The following CBFB variants were observed in gnomAD, a reference collection of about 807,000 sequenced individuals.
CBFB encodes CBF-beta.
A neutral mutation model predicts 30.4 loss-of-function variants in CBFB; 9 were observed. The observed-to-expected ratio is 0.30, with a 90% CI of 0.18 to 0.52. The LOEUF (loss-of-function observed/expected upper bound fraction) is 0.52. CBFB is among the 20% of genes least tolerant of loss of function. The probability of loss-of-function intolerance (pLI) is 0.97; values close to 1 mark genes in which losing one functional copy is unlikely to be tolerated. For synonymous variants in CBFB, 94 were observed against 84.0 expected, an observed-to-expected ratio of 1.12 and a Z score of -0.65; for missense variants, 170 against 244.0, an observed-to-expected ratio of 0.70 and a Z score of 2.02.
intron 4 of CBFB, chr16:67,082,008 GC>G: frequency 3.9e-6 from 1 of 259,070 alleles, no homozygotes; most frequent in Non-Finnish European, 7.5e-6. Flanking sequence ...TAGTAGAGAT[GC>G]GGTTTCACCA....
intron 5 of CBFB, among the ~76,000 whole-genome samples, chr16:67,098,463 G>C (rs1233677261): frequency 6.6e-6 from 1 of 151,958 alleles, no homozygotes; most frequent in Non-Finnish European, 1.5e-5. Flanking sequence ...TTCTTATGTA[G>C]TACATATTTA....
intron 3 of CBFB, among the ~76,000 whole-genome samples, chr16:67,061,487 A>C (rs1455407485): frequency 6.6e-6 from 1 of 152,194 alleles, no homozygotes; most frequent in Non-Finnish European, 1.5e-5. Flanking sequence ...TTTTTGACAG[A>C]AGCATTTCAC....
chr16:67,033,151 A>G (rs1351139077), intron 2 of CBFB, among the ~76,000 whole-genome samples: 9 of 152,168 alleles, frequency 5.9e-5, no homozygotes, highest in Admixed American at 3.9e-4. Context: ...CTGGGATTAC[A>G]GGCGTGAGCC....
At chr16:67,093,078 T>G (rs1452198487) in intron 5 of CBFB, among the ~76,000 whole-genome samples, 1 of 152,120 alleles carries the variant, frequency 6.6e-6, no homozygotes, top group Non-Finnish European at 1.5e-5. Flanking sequence ...TCCAAGCAGC[T>G]GGGATTCCAG....
chr16:67,066,173 A>G (rs976952106), intron 3 of CBFB, among the ~76,000 whole-genome samples: 1 of 152,086 alleles, frequency 6.6e-6, no homozygotes, highest in Admixed American at 6.6e-5. Context: ...CCAGGAACCC[A>G]CGTTGAGGGA....
intron 2 of CBFB, among the ~76,000 whole-genome samples, chr16:67,035,456 A>G (rs1283402671): frequency 6.6e-6 from 1 of 152,212 alleles, no homozygotes; most frequent in African/African-American, 2.4e-5. Context: ...CATTTACCAC[A>G]TGAAAATGGT....
At chr16:67,065,318 A>C (rs931429656) in intron 3 of CBFB, among the ~76,000 whole-genome samples, 4 of 152,246 alleles carry the variant, frequency 2.6e-5, no homozygotes, top group Admixed American at 2.0e-4. Flanking sequence ...CAGTGCATAA[A>C]GTATAGTGAA....
At chr16:67,090,367 A>T (rs987583989) in intron 5 of CBFB, among the ~76,000 whole-genome samples, 2 of 152,228 alleles carry the variant, frequency 1.3e-5, no homozygotes, top group African/African-American at 4.8e-5. Context: ...CTGTTGCTAT[A>T]TAGAAGCATC....
chr16:67,050,668 C>T (rs1367152081), intron 3 of CBFB, among the ~76,000 whole-genome samples: 1 of 152,022 alleles, frequency 6.6e-6, no homozygotes, highest in African/African-American at 2.4e-5. Context: ...TGGCATGCAC[C>T]TGTAGTCCTA....
chr16:67,091,478 C>T (rs1390692448), intron 5 of CBFB, among the ~76,000 whole-genome samples: 1 of 152,048 alleles, frequency 6.6e-6, no homozygotes, highest in Non-Finnish European at 1.5e-5. Context: ...TTTGAGGAAC[C>T]GAGGCTAAGA....
At position 67,036,764 on chromosome 16, in the gene CBFB, C is replaced by T. The variant is rs753037893; in HGVS notation, c.282+9C>T. ...AAAGAGAAGCAGGCAAGGTAGGAAA[C>T]ATTTCTTTGCAATTTAAAATACTGT... On this transcript the variant is annotated intron_variant, in intron 3 of 5. Transcript: ENST00000412916. The T allele has an allele frequency of 6.1e-6, 9 of 1,464,420 alleles. No individual in the cohort carries two copies. The South Asian group carries it at 6.8e-5, about 11-fold the overall frequency. The allele number at this position is 1,464,420 out of a possible 1,614,324, so 90.7% of individuals were successfully genotyped here. A position where few individuals can be genotyped will look rare whatever the true frequency, so the allele number is the denominator to read the frequency against.
intron 3 of CBFB, among the ~76,000 whole-genome samples, chr16:67,037,726 G>GGTGTGATCTT (rs1793841006): frequency 1.4e-5 from 2 of 147,752 alleles, no homozygotes; most frequent in Admixed American, 1.4e-4. Context: ...GGAGTGCAGT[G>GGTGTGATCTT]GTGTGATCTT....
intron 5 of CBFB, among the ~76,000 whole-genome samples, chr16:67,082,591 CTCTT>C (rs779358220): frequency 1.4e-4 from 22 of 151,996 alleles, no homozygotes; most frequent in Non-Finnish European, 2.6e-4. Flanking sequence ...AAAATCTCAC[CTCTT>C]TTTTTCTTAT....
chr16:67,038,440 G>T (rs1966479446), intron 3 of CBFB, among the ~76,000 whole-genome samples: 1 of 151,784 alleles, frequency 6.6e-6, no homozygotes, highest in Non-Finnish European at 1.5e-5. Flanking sequence ...TGTAGAATTA[G>T]ATTTGATCTT....
At chr16:67,037,916 G>T (rs948113453) in intron 3 of CBFB, among the ~76,000 whole-genome samples, 2 of 151,946 alleles carry the variant, frequency 1.3e-5, no homozygotes, top group African/African-American at 2.4e-5. Flanking sequence ...TGATCCACCT[G>T]CCTCTGCCTC....
At chr16:67,041,413 G>T (rs920879864) in intron 3 of CBFB, among the ~76,000 whole-genome samples, 3 of 152,172 alleles carry the variant, frequency 2.0e-5, no homozygotes, top group Non-Finnish European at 2.9e-5. Flanking sequence ...TATCCTGGAT[G>T]TATTTTGAGA....
At chr16:67,056,874 G>A (rs571233956) in intron 3 of CBFB, among the ~76,000 whole-genome samples, 1 of 152,260 alleles carries the variant, frequency 6.6e-6, no homozygotes, top group East Asian at 1.9e-4. Flanking sequence ...TAGAGACGGG[G>A]TTTCACCATG....
At chr16:67,079,632 T>A (rs1961500696) in intron 4 of CBFB, among the ~76,000 whole-genome samples, 1 of 151,538 alleles carries the variant, frequency 6.6e-6, no homozygotes, top group Admixed American at 6.6e-5. Flanking sequence ...AGATGGCTGC[T>A]GCATCTCTGA....
intron 3 of CBFB, among the ~76,000 whole-genome samples, chr16:67,039,684 G>T (rs1389755729): frequency 2.0e-5 from 3 of 152,128 alleles, no homozygotes; most frequent in African/African-American, 7.2e-5. Context: ...AGGCTATCAG[G>T]AAATGTACAT....
Sources: gnomAD v4.1 joint callset for allele counts (sites outside exome capture counted in the v4.1 genomes callset) on GRCh38, gnomAD v4.1.1 for gene constraint, MANE v1.5 for transcripts, NCBI Gene and HGNC (gene_info 2026-07-23, HGNC 2026-07-21) for gene names.